The following ALDH2 variants were observed in gnomAD, a reference collection of about 807,000 sequenced individuals.
ALDH2 encodes aldehyde dehydrogenase 2 family member.
ALDH2 carries 44 observed loss-of-function variants against 59.6 expected under a neutral mutation model. The ratio of observed to expected loss-of-function variants is 0.74; its 90% CI spans 0.58 to 0.95. The LOEUF (loss-of-function observed/expected upper bound fraction) is 0.95. Among genes scored for constraint, ALDH2 ranks in the 40% least tolerant of loss-of-function variants. ALDH2 has a pLI of 0.00. For missense variants in ALDH2, 570 were observed against 696.3 expected, an observed-to-expected ratio of 0.82 and a Z score of 2.04; for synonymous variants, 291 against 284.0, an observed-to-expected ratio of 1.02 and a Z score of -0.25.
At chr12:111,767,121 C>G (rs2068164939) in intron 1 of ALDH2, 25 bp downstream of exon 1, 3 of 1,455,366 alleles carry the variant, frequency 2.1e-6, no homozygotes, top group African/African-American at 3.0e-5. Flanking sequence ...CGGGCTCGCG[C>G]TTTGTTTTCC....
At position 111,815,033 on chromosome 12, in the gene ALDH2, AT is replaced by A. The variant is rs2068561692; in HGVS notation, c.*5461del. On this transcript the variant is annotated 3_prime_UTR_variant, in exon 13 of 13. Transcript: ENST00000261733. ...GATAAAACAGAGCTGACATTTGTTCATTTGTATTGATTTTATTTACATTTTT... is the reference window on the plus strand; with the variant it reads ...GATAAAACAGAGCTGACATTTGTTCATTGTATTGATTTTATTTACATTTTT... 6.6e-6 allele frequency: 1 copy of A among 152,012 alleles called. No homozygotes were observed. The highest frequency in any genetic ancestry group is 2.1e-4 in the South Asian group (1 of 4,820). 9.4% of individuals were successfully genotyped at this position (152,012 alleles called of 1,614,324 possible).
chr12:111,781,847 TTCC>T, intron 1 of ALDH2, 68 bp from the exon 2 acceptor site: 1 of 1,145,682 alleles, frequency 8.7e-7, no homozygotes, highest in Non-Finnish European at 1.3e-6. Context: ...GTTTTTTTTT[TTCC>T]TTACAATACT....
chr12:111,807,901 G>A (rs1376178282), intron 12 of ALDH2, among the ~76,000 whole-genome samples: 2 of 149,528 alleles, frequency 1.3e-5, no homozygotes, highest in Non-Finnish European at 3.0e-5. Context: ...TTCTGAGCCA[G>A]AGTCTTGCTC....
At position 111,789,681 on chromosome 12, in the gene ALDH2, T is replaced by G. The variant is rs942054077; in HGVS notation, c.441-142T>G. On this transcript the variant is annotated intron_variant, in intron 4 of 12. Coordinates refer to ENST00000261733, the MANE Select transcript of ALDH2 (RefSeq NM_000690.4). Reference sequence around the variant, plus strand: ...AGATTTTCGTGACCTTTGCAGTCACTTGTCTCTCTCTGAATAAGCCAAAAG... The same window carrying G: ...AGATTTTCGTGACCTTTGCAGTCACGTGTCTCTCTCTGAATAAGCCAAAAG... 3 of 706,160 alleles carry G rather than the reference T, an allele frequency of 4.2e-6. No homozygotes were observed. The African/African-American group carries it at 5.4e-5, about 13-fold the overall frequency. The allele number at this position is 706,160 out of a possible 1,614,324, so 43.7% of individuals were successfully genotyped here.
At chr12:111,781,668 G>A (rs1267989603) in intron 1 of ALDH2, among the ~76,000 whole-genome samples, 1 of 152,182 alleles carries the variant, frequency 6.6e-6, no homozygotes, top group Non-Finnish European at 1.5e-5. Flanking sequence ...ACTAGAACAA[G>A]TATGAACATT....
intron 11 of ALDH2, among the ~76,000 whole-genome samples, chr12:111,802,982 A>G (rs2068466574): frequency 6.6e-6 from 1 of 151,802 alleles, no homozygotes. Flanking sequence ...CACGAAGTCA[A>G]GAGTTTGAGA....
chr12:111,809,572 A>G lies in ALDH2; in HGVS notation c.1551A>G (p.Ser517=), dbSNP rs760414925. The G allele has an allele frequency of 3.7e-6, 6 of 1,614,196 alleles. No homozygotes were observed. The highest frequency in any genetic ancestry group is 3.3e-5 in the South Asian group (3 of 91,082). ...CAGTCAAAGTGCCTCAGAAGAACTC[A>G]TAAGAATCATGCAAGCTTCCTCCCT... The part of the protein sequence containing the change: ...TVTVKVPQKN[S] Residue 517 remains serine, a synonymous_variant, in exon 13 of 13, where the codon TCA becomes TCG. Transcript: ENST00000261733.
At chr12:111,792,464 CTG>C in intron 8 of ALDH2, 132 bp from the exon 9 acceptor site, 1 of 1,082,400 alleles carries the variant, frequency 9.2e-7, no homozygotes, top group Non-Finnish European at 1.3e-6. Flanking sequence ...CCTCATCTCC[CTG>C]TATCTGTCTC....
rs1214944924 is a variant in ALDH2, at chr12:111,815,607, C to G, written c.*6032C>G. 1 of 152,002 alleles carries G rather than the reference C, an allele frequency of 6.6e-6. No homozygotes were observed. The highest frequency in any genetic ancestry group is 1.5e-5 in the Non-Finnish European group (1 of 68,006). 9.4% of individuals were successfully genotyped at this position (152,002 alleles called of 1,614,324 possible). A position where few individuals can be genotyped will look rare whatever the true frequency, so the allele number is the denominator to read the frequency against. ...CATGCCAGGAGTAAGGGTGAGGATACCTGGCAATAATAAAAATAATAACCT... is the reference window on the plus strand; with the variant it reads ...CATGCCAGGAGTAAGGGTGAGGATAGCTGGCAATAATAAAAATAATAACCT... On this transcript the variant is annotated 3_prime_UTR_variant, in exon 13 of 13. Transcript: ENST00000261733.
chr12:111,799,880 C>A, intron 10 of ALDH2, 26 bp from the exon 11 acceptor site: 2 of 1,595,406 alleles, frequency 1.3e-6, no homozygotes, highest in Non-Finnish European at 1.7e-6. Flanking sequence ...GTTGCCGAAC[C>A]CTCCTACGCT....
At chr12:111,797,998 T>G in intron 9 of ALDH2, 80 bp from the exon 10 acceptor site, 2 of 1,547,498 alleles carry the variant, frequency 1.3e-6, no homozygotes, top group Non-Finnish European at 1.8e-6. Flanking sequence ...GTTGTCTTGT[T>G]GCCTGCATAA....
At chr12:111,772,236 T>C (rs1231451870) in intron 1 of ALDH2, among the ~76,000 whole-genome samples, 1 of 152,060 alleles carries the variant, frequency 6.6e-6, no homozygotes, top group African/African-American at 2.4e-5. Flanking sequence ...GAAGCAGAAA[T>C]TTGCTTTTTC....
At chr12:111,789,017 CTTTTTTTTTTT>C (rs1224537015) in intron 4 of ALDH2, among the ~76,000 whole-genome samples, 1 of 125,164 alleles carries the variant, frequency 8.0e-6, no homozygotes, top group Non-Finnish European at 1.7e-5. Context: ...TCTTTCTTTT[CTTTTTTTTTTT>C]TTTTTTTGAG....
intron 1 of ALDH2, among the ~76,000 whole-genome samples, chr12:111,774,671 T>C (rs113025960): frequency 1.1e-4 from 16 of 152,282 alleles, no homozygotes; most frequent in African/African-American, 3.4e-4. Context: ...AGTTTAGCCT[T>C]TCATTGGAGA....
At chr12:111,803,010 G>A (rs557685262) in intron 11 of ALDH2, among the ~76,000 whole-genome samples, 4 of 151,516 alleles carry the variant, frequency 2.6e-5, no homozygotes, top group African/African-American at 4.8e-5. Flanking sequence ...GACCAACATG[G>A]TGAAACCCTG....
chr12:111,795,940 T>A (rs1942154687), intron 9 of ALDH2, among the ~76,000 whole-genome samples: 1 of 152,096 alleles, frequency 6.6e-6, no homozygotes, highest in Non-Finnish European at 1.5e-5. Context: ...ATTAAGATAA[T>A]ATAAACTTGC....
At chr12:111,770,275 G>T (rs1167009937) in intron 1 of ALDH2, among the ~76,000 whole-genome samples, 3 of 152,188 alleles carry the variant, frequency 2.0e-5, no homozygotes, top group Non-Finnish European at 4.4e-5. Flanking sequence ...CATATTGACT[G>T]CAGCCTTAAG....
intron 10 of ALDH2, among the ~76,000 whole-genome samples, chr12:111,799,637 G>A (rs977982129): frequency 1.3e-5 from 2 of 152,108 alleles, no homozygotes; most frequent in African/African-American, 2.4e-5. Context: ...CTAAATCTAC[G>A]TGTCACGTGT....
At chr12:111,775,703 A>G (rs1023179497) in intron 1 of ALDH2, 3 of 455,418 alleles carry the variant, frequency 6.6e-6, no homozygotes, top group African/African-American at 6.0e-5. Context: ...CCCGCCCAAG[A>G]GCGTTTACGT....
Sources: gnomAD v4.1 joint callset for allele counts (sites outside exome capture counted in the v4.1 genomes callset) on GRCh38, gnomAD v4.1.1 for gene constraint, MANE v1.5 for transcripts, NCBI Gene and HGNC (gene_info 2026-07-23, HGNC 2026-07-21) for gene names.